MARCHF1: variants seen among roughly 807,000 people sequenced by gnomAD.
MARCHF1 encodes the protein E3 ubiquitin-protein ligase MARCHF1.
In MARCHF1, 40 loss-of-function variants were observed where a neutral mutation model predicts 54.2. That is an observed-to-expected ratio of 0.74 (90% CI 0.57 to 0.96). The LOEUF (loss-of-function observed/expected upper bound fraction) is 0.96. Among genes scored for constraint, MARCHF1 ranks in the 40% least tolerant of loss-of-function variants. The pLI is 0.00. For synonymous variants in MARCHF1, 236 were observed against 236.3 expected, an observed-to-expected ratio of 1.00 and a Z score of 0.01; for missense variants, 586 against 656.5, an observed-to-expected ratio of 0.89 and a Z score of 1.17.
intron 3 of MARCHF1, among the ~76,000 whole-genome samples, chr4:163,946,118 A>G (rs1417851336): frequency 1.3e-5 from 2 of 152,204 alleles, no homozygotes; most frequent in Non-Finnish European, 2.9e-5. Flanking sequence ...TTCATTCAAT[A>G]AATACATATC....
In MARCHF1 at chr4:163,900,395, T is replaced by C. The variant is rs537644411; in HGVS notation, c.-38-46226A>G. 9.2e-5 allele frequency among the ~76,000 whole-genome samples: 14 copies of C among 152,228 alleles called. No individual in the cohort carries two copies. The East Asian group carries it at 2.7e-3, about 29-fold the overall frequency. On this transcript the variant is annotated intron_variant, in intron 3 of 9. Transcript: ENST00000514618. ...TTACACATAGTGAACTTTCTTGTCT[T>C]ATAATTGATCTTGCATCTTGAATCT...
intron 1 of MARCHF1, among the ~76,000 whole-genome samples, chr4:164,240,703 T>C (rs1732715594): frequency 6.6e-6 from 1 of 152,128 alleles, no homozygotes; most frequent in Non-Finnish European, 1.5e-5. Flanking sequence ...CTAACTGCCC[T>C]GGCTCATTCC....
chr4:164,325,428 T>C (rs1735251043), intron 1 of MARCHF1, among the ~76,000 whole-genome samples: 1 of 151,386 alleles, frequency 6.6e-6, no homozygotes. Context: ...TGTTTAGAAA[T>C]AATACTGAAA....
chr4:163,570,292 G>C (rs967021544), intron 8 of MARCHF1, among the ~76,000 whole-genome samples: 4 of 152,060 alleles, frequency 2.6e-5, no homozygotes, highest in African/African-American at 9.7e-5. Context: ...ACAAAACAGT[G>C]AATCTGCTAC....
intron 2 of MARCHF1, among the ~76,000 whole-genome samples, chr4:164,031,578 G>C (rs532618872): frequency 1.3e-5 from 2 of 152,064 alleles, no homozygotes; most frequent in Admixed American, 1.3e-4. Flanking sequence ...TTCTGTACCT[G>C]TTGAGATAAT....
intron 4 of MARCHF1, among the ~76,000 whole-genome samples, chr4:163,799,629 A>G (rs1027709974): frequency 6.6e-6 from 1 of 152,260 alleles, no homozygotes; most frequent in Admixed American, 6.5e-5. Context: ...TTCCTTCAAA[A>G]CATACAATAT....
At chr4:163,624,576 C>T (rs115816332) in intron 5 of MARCHF1, among the ~76,000 whole-genome samples, 325 of 152,294 alleles carry the variant, frequency 2.1e-3, no homozygotes, top group African/African-American at 7.3e-3. Context: ...CAGACTAATC[C>T]TCAGACCACT....
At chr4:164,006,862 T>A (rs1753299005) in intron 2 of MARCHF1, among the ~76,000 whole-genome samples, 1 of 151,620 alleles carries the variant, frequency 6.6e-6, no homozygotes, top group Non-Finnish European at 1.5e-5. Context: ...AAGAATACTA[T>A]GTATCCAGCA....
chr4:163,625,252 C>T (rs746813912), intron 5 of MARCHF1, among the ~76,000 whole-genome samples: 1 of 152,156 alleles, frequency 6.6e-6, no homozygotes, highest in African/African-American at 2.4e-5. Flanking sequence ...TGCATGGGCC[C>T]TTTTCAACTT....
chr4:164,115,979 TTAGAA>T (rs3034872), intron 1 of MARCHF1, among the ~76,000 whole-genome samples: 60,710 of 151,430 alleles, frequency 0.4, 13,299 homozygotes, highest in Non-Finnish European at 0.49. Flanking sequence ...TATGAATACT[TTAGAA>T]TAGAGAAAAA....
chr4:163,678,090 C>T (rs1047044085), intron 5 of MARCHF1, among the ~76,000 whole-genome samples: 4 of 152,160 alleles, frequency 2.6e-5, no homozygotes, highest in Non-Finnish European at 5.9e-5. Context: ...GCCCTTGATA[C>T]AGAATTATCA....
intron 1 of MARCHF1, among the ~76,000 whole-genome samples, chr4:164,357,089 A>G (rs905155486): frequency 2.7e-5 from 4 of 150,380 alleles, no homozygotes; most frequent in Non-Finnish European, 5.9e-5. Context: ...AAATCTGCAT[A>G]TGCACCCCTG....
chr4:163,927,598 C>G (rs990187080), intron 3 of MARCHF1, among the ~76,000 whole-genome samples: 3 of 151,712 alleles, frequency 2.0e-5, no homozygotes, highest in Non-Finnish European at 4.4e-5. Context: ...CAAGAAATAA[C>G]TTTTCCAGCA....
At chr4:163,653,612 T>A (rs1743044915) in intron 5 of MARCHF1, among the ~76,000 whole-genome samples, 1 of 151,602 alleles carries the variant, frequency 6.6e-6, no homozygotes, top group Non-Finnish European at 1.5e-5. Flanking sequence ...TTTATGTAAT[T>A]TGCTGGCCAA....
intron 9 of MARCHF1, among the ~76,000 whole-genome samples, chr4:163,529,398 GATGGTGAACATAATGGAAGA>G (rs1333048508): frequency 5.3e-5 from 8 of 152,018 alleles, no homozygotes; most frequent in Non-Finnish European, 1.5e-5. Context: ...TTTAAGGAAG[GATGGTGAACATAATGGAAGA>G]ATCAGAGTTT....
intron 2 of MARCHF1, among the ~76,000 whole-genome samples, chr4:164,054,078 G>GA (rs1250968623): frequency 2.0e-5 from 3 of 150,960 alleles, no homozygotes; most frequent in African/African-American, 4.9e-5. Context: ...AAATTTACAA[G>GA]AAAAAAACAA....
chr4:164,143,700 A>G (rs1018805047), intron 1 of MARCHF1, among the ~76,000 whole-genome samples: 13 of 152,330 alleles, frequency 8.5e-5, no homozygotes, highest in African/African-American at 2.9e-4. Flanking sequence ...AACAACCGAT[A>G]CCAGCCGCTG....
At chr4:164,142,757 G>C (rs1399680054) in intron 1 of MARCHF1, among the ~76,000 whole-genome samples, 5 of 152,144 alleles carry the variant, frequency 3.3e-5, no homozygotes, top group Non-Finnish European at 7.4e-5. Flanking sequence ...CTCTAAAAAG[G>C]AGAGCAACTC....
chr4:164,335,006 C>T (rs569826859), intron 1 of MARCHF1, among the ~76,000 whole-genome samples: 1 of 152,262 alleles, frequency 6.6e-6, no homozygotes, highest in East Asian at 1.9e-4. Context: ...GATGATAAAA[C>T]TTTAAACAAA....
Sources: gnomAD v4.1 joint callset for allele counts (sites outside exome capture counted in the v4.1 genomes callset) on GRCh38, gnomAD v4.1.1 for gene constraint, MANE v1.5 for transcripts, NCBI Gene and HGNC (gene_info 2026-07-23, HGNC 2026-07-21) for gene names.